The following SPAG16 variants were observed in gnomAD, a reference collection of about 807,000 sequenced individuals.
SPAG16 encodes sperm-associated antigen 16 protein.
SPAG16 carries 86 observed loss-of-function variants against 80.4 expected under a neutral mutation model. The ratio of observed to expected loss-of-function variants is 1.07; its 90% CI spans 0.90 to 1.28. The LOEUF (loss-of-function observed/expected upper bound fraction) is 1.28, where lower values mean the gene tolerates loss of function less well. Ranked by LOEUF, SPAG16 falls within the 50% of genes most tolerant of loss-of-function variation. SPAG16 has a pLI of 0.00. For synonymous variants in SPAG16, 294 were observed against 265.9 expected, an observed-to-expected ratio of 1.11 and a Z score of -1.03; for missense variants, 870 against 765.3, an observed-to-expected ratio of 1.14 and a Z score of -1.61.
chr2:214,009,996 C>A, intron 12 of SPAG16, among the ~76,000 whole-genome samples: 1 of 117,746 alleles, frequency 8.5e-6, no homozygotes, highest in Non-Finnish European at 1.7e-5. Context: ...AAGGAATCAC[C>A]TGAGTAAAGA....
chr2:214,009,892 T>C lies in SPAG16; in HGVS notation c.1401-4059T>C, dbSNP rs183335832. 5.3e-5 allele frequency among the ~76,000 whole-genome samples: 8 copies of C among 150,600 alleles called. No individual in the cohort carries two copies. The South Asian group carries it at 8.3e-4, about 16-fold the overall frequency. Reference sequence around the variant, plus strand: ...CAATAGCTGTCCTCGTAAGTCATAATAAAAAGAAACCAACCAGATTTTATA... The same window carrying C: ...CAATAGCTGTCCTCGTAAGTCATAACAAAAAGAAACCAACCAGATTTTATA... On this transcript the variant is annotated intron_variant, in intron 12 of 15. Coordinates refer to ENST00000331683, the MANE Select transcript of SPAG16 (RefSeq NM_024532.5).
chr2:213,418,340 C>G (rs1243175839), intron 9 of SPAG16, among the ~76,000 whole-genome samples: 2 of 152,232 alleles, frequency 1.3e-5, no homozygotes, highest in Non-Finnish European at 2.9e-5. Context: ...GCATCCTTCT[C>G]TGTTACCAGG....
At chr2:213,742,150 C>G (rs115406912) in intron 10 of SPAG16, among the ~76,000 whole-genome samples, 3,664 of 148,362 alleles carry the variant, frequency 0.025, 152 homozygotes, top group African/African-American at 0.085. Flanking sequence ...TTTTTTTACT[C>G]TCTTTTCTTG....
At chr2:213,292,663 C>CAAAAAAAAAA (rs1248465249) in intron 1 of SPAG16, among the ~76,000 whole-genome samples, 5 of 76,378 alleles carry the variant, frequency 6.5e-5, no homozygotes, top group African/African-American at 3.4e-4. Context: ...GACTCCGTCT[C>CAAAAAAAAAA]AAAAAAAAAA....
intron 15 of SPAG16, among the ~76,000 whole-genome samples, chr2:214,301,195 A>G (rs1694526540): frequency 6.7e-6 from 1 of 150,224 alleles, no homozygotes; most frequent in Admixed American, 6.6e-5. Context: ...CCACATAAAT[A>G]GATTTAAAAG....
intron 10 of SPAG16, among the ~76,000 whole-genome samples, chr2:213,616,231 C>A (rs2061593114): frequency 6.6e-6 from 1 of 152,206 alleles, no homozygotes; most frequent in South Asian, 2.1e-4. Flanking sequence ...TGTGAACTCA[C>A]TTTCTGATGT....
At chr2:213,516,380 C>A (rs2075423066) in intron 10 of SPAG16, among the ~76,000 whole-genome samples, 1 of 145,574 alleles carries the variant, frequency 6.9e-6, no homozygotes. Context: ...AGCCCAAGTT[C>A]TTTTGTAACA....
intron 13 of SPAG16, among the ~76,000 whole-genome samples, chr2:214,079,466 T>C (rs1376957270): frequency 6.6e-6 from 1 of 152,238 alleles, no homozygotes; most frequent in African/African-American, 2.4e-5. Context: ...AGTTAAAATG[T>C]TTTCTTATTT....
intron 13 of SPAG16, among the ~76,000 whole-genome samples, chr2:214,051,761 G>C (rs1174445819): frequency 6.6e-6 from 1 of 152,144 alleles, no homozygotes; most frequent in Non-Finnish European, 1.5e-5. Context: ...TGCCTTCCAG[G>C]TCTGACAGGT....
intron 10 of SPAG16, among the ~76,000 whole-genome samples, chr2:213,535,395 A>G (rs1000773360): frequency 1.3e-5 from 2 of 152,266 alleles, no homozygotes; most frequent in African/African-American, 2.4e-5. Context: ...TGGGAAATAT[A>G]AAAAAGACAC....
chr2:213,353,004 G>A (rs1427905327), intron 7 of SPAG16, among the ~76,000 whole-genome samples: 2 of 152,086 alleles, frequency 1.3e-5, no homozygotes, highest in African/African-American at 2.4e-5. Flanking sequence ...CAAATGGCAT[G>A]CCCTTTTTAT....
At chr2:213,649,428 A>T (rs994899054) in intron 10 of SPAG16, among the ~76,000 whole-genome samples, 2 of 152,204 alleles carry the variant, frequency 1.3e-5, no homozygotes, top group Non-Finnish European at 2.9e-5. Flanking sequence ...GTTATGAATT[A>T]TTTTTTTCTC....
chr2:213,483,528 G>C (rs2073846714), intron 9 of SPAG16, among the ~76,000 whole-genome samples: 1 of 152,172 alleles, frequency 6.6e-6, no homozygotes, highest in South Asian at 2.1e-4. Flanking sequence ...AAGATGGGTT[G>C]TTGAGCAGAT....
chr2:213,932,363 G>A (rs1445779937), intron 12 of SPAG16, among the ~76,000 whole-genome samples: 3 of 151,244 alleles, frequency 2.0e-5, no homozygotes, highest in East Asian at 2.0e-4. Context: ...CTATAGGCAC[G>A]TGCCACCACA....
chr2:213,929,945 TGTTTTTGCAAATA>T lies in SPAG16; in HGVS notation c.1215-12_1215del. The T allele has an allele frequency of 6.3e-7, 1 of 1,599,054 alleles. No individual in the cohort carries two copies. The highest frequency in any genetic ancestry group is 8.5e-7 in the Non-Finnish European group (1 of 1,172,128). ...ACTTTTTAAACAAGCTGTCTTTTTA[TGTTTTTGCAAATA>T]GTGGCGACAAATTGGCTACTTCAAG... On this transcript the variant is annotated splice_acceptor_variant and splice_polypyrimidine_tract_variant and intron_variant, in intron 11 of 15. Transcript: ENST00000331683. LOFTEE classifies it high-confidence loss of function.
At chr2:213,825,697 CTTTCTTTTT>C (rs1402638655) in intron 10 of SPAG16, among the ~76,000 whole-genome samples, 4 of 85,870 alleles carry the variant, frequency 4.7e-5, no homozygotes, top group Non-Finnish European at 7.1e-5. Flanking sequence ...TTCTTTCTTT[CTTTCTTTTT>C]TTTTTTTTTT....
At chr2:214,191,707 C>A (rs2057668335) in intron 15 of SPAG16, among the ~76,000 whole-genome samples, 1 of 101,478 alleles carries the variant, frequency 9.9e-6, no homozygotes, top group Admixed American at 1.4e-4. Context: ...GAGTGAGACT[C>A]TGTCTCAAAA....
At chr2:213,455,645 C>T (rs1305303894) in intron 9 of SPAG16, among the ~76,000 whole-genome samples, 1 of 152,152 alleles carries the variant, frequency 6.6e-6, no homozygotes, top group African/African-American at 2.4e-5. Flanking sequence ...GATCATCAGG[C>T]ATTAGAATCT....
intron 12 of SPAG16, among the ~76,000 whole-genome samples, chr2:213,950,123 T>C (rs929791811): frequency 6.6e-6 from 1 of 152,206 alleles, no homozygotes; most frequent in Non-Finnish European, 1.5e-5. Flanking sequence ...TTATAAACTG[T>C]TAATATATTC....
Sources: allele counts gnomAD v4.1 joint callset (sites outside exome capture counted in the v4.1 genomes callset), GRCh38; gene constraint gnomAD v4.1.1; transcripts MANE v1.5; gene names NCBI Gene and HGNC (gene_info 2026-07-23, HGNC 2026-07-21).